LRRC4C: variants seen among roughly 807,000 people sequenced by gnomAD.
The protein encoded by LRRC4C is leucine rich repeat containing 4C, also known as leucine-rich repeat-containing protein 4C.
In LRRC4C, 5 loss-of-function variants were observed where a neutral mutation model predicts 33.6. The observed-to-expected ratio is 0.15, with a 90% confidence interval of 0.08 to 0.31. The LOEUF is 0.31. LRRC4C is among the 10% of genes least tolerant of loss of function. The pLI, the probability that LRRC4C is intolerant of heterozygous loss-of-function variation, is 1.00. For missense variants in LRRC4C, 560 were observed against 796.7 expected, an observed-to-expected ratio of 0.70 and a Z score of 3.58; for synonymous variants, 329 against 302.0, an observed-to-expected ratio of 1.09 and a Z score of -0.93.
chr11:40,128,602 A>C (rs1856426820), intron 6 of LRRC4C, among the ~76,000 whole-genome samples: 1 of 152,088 alleles, frequency 6.6e-6, no homozygotes, highest in African/African-American at 2.4e-5. Context: ...TTTAGAACAA[A>C]ATGCAAACTG....
intron 3 of LRRC4C, among the ~76,000 whole-genome samples, chr11:40,396,315 G>A (rs74998092): frequency 0.014 from 2,202 of 152,118 alleles, 47 homozygotes; most frequent in African/African-American, 0.05. Context: ...ACAGTGCACA[G>A]TCAGTTTTAT....
intron 3 of LRRC4C, among the ~76,000 whole-genome samples, chr11:40,401,726 G>A (rs934757879): frequency 6.6e-6 from 1 of 152,064 alleles, no homozygotes; most frequent in Non-Finnish European, 1.5e-5. Context: ...CTGGCAGGAA[G>A]GGGAAAAATA....
intron 3 of LRRC4C, among the ~76,000 whole-genome samples, chr11:40,353,585 G>A (rs555668078): frequency 2.0e-5 from 3 of 152,116 alleles, no homozygotes; most frequent in African/African-American, 7.2e-5. Flanking sequence ...CTAGTGTCAC[G>A]TGCCTGTAAT....
At chr11:41,074,758 C>T (rs1203821583) in intron 1 of LRRC4C, among the ~76,000 whole-genome samples, 2 of 152,246 alleles carry the variant, frequency 1.3e-5, no homozygotes, top group East Asian at 3.9e-4. Context: ...AGAGCCAACC[C>T]TCTGCTTGTC....
intron 2 of LRRC4C, among the ~76,000 whole-genome samples, chr11:40,657,867 A>T (rs1026809234): frequency 6.6e-6 from 1 of 152,206 alleles, no homozygotes; most frequent in Admixed American, 6.5e-5. Flanking sequence ...CACAAGGGGA[A>T]ATAGGGAGCC....
At chr11:40,457,925 A>G (rs1181527286) in intron 3 of LRRC4C, among the ~76,000 whole-genome samples, 1 of 152,136 alleles carries the variant, frequency 6.6e-6, no homozygotes, top group African/African-American at 2.4e-5. Context: ...AATACAACTC[A>G]AATTCTCACC....
At chr11:41,230,041 C>G (rs1947714575) in intron 1 of LRRC4C, among the ~76,000 whole-genome samples, 1 of 152,028 alleles carries the variant, frequency 6.6e-6, no homozygotes, top group African/African-American at 2.4e-5. Context: ...TTGTCCTCAT[C>G]ATATCTCTGA....
intron 2 of LRRC4C, among the ~76,000 whole-genome samples, chr11:40,732,023 G>C (rs535616113): frequency 8.6e-4 from 129 of 150,666 alleles, no homozygotes; most frequent in Non-Finnish European, 1.4e-3. Context: ...ACACCTCCTT[G>C]CCTGGGAAGT....
chr11:40,740,344 T>C (rs1948096602), intron 2 of LRRC4C, among the ~76,000 whole-genome samples: 1 of 152,062 alleles, frequency 6.6e-6, no homozygotes, highest in Non-Finnish European at 1.5e-5. Context: ...GTCTTCTTGA[T>C]AGCAGCCATT....
chr11:40,698,572 T>C (rs1416089419), intron 2 of LRRC4C, among the ~76,000 whole-genome samples: 3 of 151,898 alleles, frequency 2.0e-5, no homozygotes, highest in Admixed American at 6.6e-5. Context: ...AAGAAGAGAA[T>C]GGGAAAGTTC....
chr11:40,119,732 T>C (rs1421411921), intron 6 of LRRC4C, among the ~76,000 whole-genome samples: 1 of 152,210 alleles, frequency 6.6e-6, no homozygotes, highest in Non-Finnish European at 1.5e-5. Context: ...CTAGAGAGGC[T>C]ACCCTTTCAG....
intron 1 of LRRC4C, among the ~76,000 whole-genome samples, chr11:40,949,596 A>G (rs1483866047): frequency 2.6e-5 from 4 of 152,100 alleles, no homozygotes; most frequent in African/African-American, 9.7e-5. Context: ...TCAACCCAGA[A>G]TTTCATATCC....
chr11:41,023,645 G>A (rs1000104611), intron 1 of LRRC4C, among the ~76,000 whole-genome samples: 3 of 151,710 alleles, frequency 2.0e-5, no homozygotes, highest in Non-Finnish European at 4.4e-5. Flanking sequence ...TTAAAATTAT[G>A]TTTGCACAGC....
At chr11:40,866,956 T>G (rs1024744096) in intron 2 of LRRC4C, among the ~76,000 whole-genome samples, 1 of 152,228 alleles carries the variant, frequency 6.6e-6, no homozygotes, top group Non-Finnish European at 1.5e-5. Flanking sequence ...TTCCTTCGTC[T>G]TTCCTCATGC....
At chr11:41,447,128 TAA>T (rs1955850693) in intron 1 of LRRC4C, among the ~76,000 whole-genome samples, 1 of 152,184 alleles carries the variant, frequency 6.6e-6, no homozygotes, top group Admixed American at 6.5e-5. Context: ...TGGTAGAGTA[TAA>T]GCTCCTTTAA....
intron 3 of LRRC4C, among the ~76,000 whole-genome samples, chr11:40,346,703 A>T (rs1823743): frequency 6.6e-6 from 1 of 151,996 alleles, no homozygotes; most frequent in Non-Finnish European, 1.5e-5. Context: ...AACTTAAAAT[A>T]AACGTTTTTT....
intron 1 of LRRC4C, among the ~76,000 whole-genome samples, chr11:41,128,396 A>G (rs1942851702): frequency 6.6e-6 from 1 of 152,182 alleles, no homozygotes; most frequent in Non-Finnish European, 1.5e-5. Flanking sequence ...TTAACCACAC[A>G]GGACTGTTAG....
At chr11:41,087,426 T>C (rs1361091541) in intron 1 of LRRC4C, among the ~76,000 whole-genome samples, 3 of 152,182 alleles carry the variant, frequency 2.0e-5, no homozygotes, top group Non-Finnish European at 4.4e-5. Context: ...CCAACTTGTT[T>C]AATTGTTTCT....
chr11:41,281,078 C>CT (rs1491428513), intron 1 of LRRC4C, among the ~76,000 whole-genome samples: 1,988 of 82,650 alleles, frequency 0.024, 40 homozygotes, highest in African/African-American at 0.065. Context: ...CTCTCTCTGT[C>CT]CTCTCTCTCT....
Sources: allele counts gnomAD v4.1 joint callset (sites outside exome capture counted in the v4.1 genomes callset), GRCh38; gene constraint gnomAD v4.1.1; transcripts MANE v1.5; gene names NCBI Gene and HGNC (gene_info 2026-07-23, HGNC 2026-07-21).